Variants in ARHGAP27 observed in about 807,000 individuals in gnomAD.
ARHGAP27 encodes the protein Rho GTPase activating protein 27, also known as rho GTPase-activating protein 27.
ARHGAP27 carries 53 observed loss-of-function variants against 102.0 expected under a neutral mutation model. The observed-to-expected ratio is 0.52, with a 90% CI of 0.42 to 0.65. ARHGAP27 has a LOEUF of 0.65. Ranked by LOEUF, ARHGAP27 falls within the 30% of genes least tolerant of loss-of-function variation. The pLI is 0.00. For missense variants in ARHGAP27, 1,117 were observed against 1,256.2 expected, an observed-to-expected ratio of 0.89 and a Z score of 1.68; for synonymous variants, 525 against 542.8, an observed-to-expected ratio of 0.97 and a Z score of 0.46.
chr17:45,425,468 G>A (rs2049499428), intron 4 of ARHGAP27: 2 of 810,590 alleles, frequency 2.5e-6, no homozygotes, highest in African/African-American at 1.9e-5. Context: ...CAGAGGGGAG[G>A]GGCCCCCAGA....
intron 6 of ARHGAP27, 26 bp downstream of exon 6, chr17:45,404,898 C>G (rs77044114): frequency 6.8e-6 from 11 of 1,613,854 alleles, no homozygotes; most frequent in Non-Finnish European, 8.5e-7. Context: ...TGAGGCTGTC[C>G]GGGTCCATCT....
intron 4 of ARHGAP27, among the ~76,000 whole-genome samples, chr17:45,428,617 G>A (rs1311042306): frequency 2.6e-5 from 4 of 152,188 alleles, no homozygotes; most frequent in African/African-American, 9.7e-5. Context: ...CTGGCACATA[G>A]TGGGCATCAG....
Position 45,395,218 on chromosome 17 carries a change from C to G in ARHGAP27, c.*238G>C, listed in dbSNP as rs965791712. On this transcript the variant is annotated 3_prime_UTR_variant, in exon 20 of 20. Coordinates refer to ENST00000685559, the MANE Select transcript of ARHGAP27 (RefSeq NM_001282290.2). ...AACAGAGAAAAAACCGAATTAACCC[C>G]CAAACAGGACGTGACGGGAAGGGAA... 3 of 584,962 alleles carry G rather than the reference C, an allele frequency of 5.1e-6. No individual in the cohort carries two copies. Among genetic ancestry groups the G allele is most frequent in the Non-Finnish European group, 9.0e-6 (3 of 334,468 alleles). The allele number at this position is 584,962 out of a possible 1,614,324, so 36.2% of individuals were successfully genotyped here. A position where few individuals can be genotyped will look rare whatever the true frequency, so the allele number is the denominator to read the frequency against.
chr17:45,426,145 G>C (rs2049574102), intron 4 of ARHGAP27, among the ~76,000 whole-genome samples: 1 of 152,116 alleles, frequency 6.6e-6, no homozygotes, highest in Admixed American at 6.5e-5. Flanking sequence ...TGCTGGCCAG[G>C]GTGGGGCTTG....
chr17:45,423,129 C>T (rs1442540291), intron 4 of ARHGAP27, among the ~76,000 whole-genome samples: 2 of 151,272 alleles, frequency 1.3e-5, no homozygotes, highest in African/African-American at 4.9e-5. Context: ...TGCGGTGAGC[C>T]GAGACCACGC....
intron 12 of ARHGAP27, among the ~76,000 whole-genome samples, chr17:45,400,580 T>C (rs2046321853): frequency 1.3e-5 from 2 of 152,192 alleles, no homozygotes; most frequent in Non-Finnish European, 2.9e-5. Context: ...TTGAAGGATA[T>C]ACCTATCCCT....
Position 45,406,039 on chromosome 17 carries a change from C to G in ARHGAP27, c.702G>C (p.Gln234His). Residue 234 changes from glutamine (Q) to histidine (H), a missense_variant, in exon 5 of 20, where the codon CAG becomes CAC. By Grantham distance (24) the Gln-to-His change is conservative (BLOSUM62 0). Around this residue, in one of 3 missense-constraint regions of ARHGAP27, gnomAD observed 610 missense variants for 716.4 expected, o/e 0.85. Transcript: ENST00000685559. The part of the protein sequence containing the change: ...PEPVYANIER[Q>H]PRATSPGAAA... ...CGGCGCCCGGTGAAGTGGCCCGGGG[C>G]TGCCTCTCTATGTTCGCGTACACGG... The G allele has an allele frequency of 6.5e-7, 1 of 1,533,726 alleles. No homozygotes were observed. Among genetic ancestry groups the G allele is most frequent in the Non-Finnish European group, 8.7e-7 (1 of 1,145,388 alleles).
Position 45,395,389 on chromosome 17 carries a change from T to G in ARHGAP27, c.*67A>C. 6.7e-7 allele frequency: 1 copy of G among 1,494,476 alleles called. No homozygotes were observed. The allele number at this position is 1,494,476 out of a possible 1,614,324, so 92.6% of individuals were successfully genotyped here. On this transcript the variant is annotated 3_prime_UTR_variant, in exon 20 of 20. Transcript: ENST00000685559. ...GGTCCCAGAGAGAAGAAGGCCCGGC[T>G]GCGTGGCCTCCGCCGCCCAGCTTGT...
At chr17:45,402,593 T>C (rs1047467504) in intron 12 of ARHGAP27, 121 bp downstream of exon 12, 3 of 859,348 alleles carry the variant, frequency 3.5e-6, no homozygotes, top group African/African-American at 3.4e-5. Flanking sequence ...CTGCACTCAG[T>C]GTTGGCTCAT....
At chr17:45,424,035 T>C (rs1259254040) in intron 4 of ARHGAP27, among the ~76,000 whole-genome samples, 2 of 152,232 alleles carry the variant, frequency 1.3e-5, no homozygotes, top group African/African-American at 4.8e-5. Flanking sequence ...GCCCTTCTGC[T>C]ACCTCTGCTT....
At chr17:45,418,292 A>G (rs77856736) in intron 4 of ARHGAP27, among the ~76,000 whole-genome samples, 1 of 146,064 alleles carries the variant, frequency 6.8e-6, no homozygotes, top group Non-Finnish European at 1.5e-5. Context: ...AAAAAAAAAA[A>G]TCCCTTAAAC....
At chr17:45,397,439 A>T in intron 13 of ARHGAP27, 3 of 398,374 alleles carry the variant, frequency 7.5e-6, no homozygotes, top group Admixed American at 5.0e-5. Context: ...CTGGCTCTGG[A>T]TTCCTACCTC....
rs781138654 is a variant in ARHGAP27, at chr17:45,430,225, A to G, written c.55T>C (p.Tyr19His). Residue 19 changes from tyrosine to histidine, a missense_variant, in exon 4 of 20, where the codon TAC (tyrosine) becomes CAC (histidine). Physicochemically the swap from Tyr to His is moderately conservative, Grantham distance 83. Transcript: ENST00000685559. This position sits in a 1 kb window ranked among gnomAD's most constrained non-coding sequence, Gnocchi z 4.4. Reference sequence around the variant, plus strand: ...ACGCGGCGCCCGTCCTTGCCGGTGTACTCGAAGGGGTGCTCCACCAGCACG... The same window carrying G: ...ACGCGGCGCCCGTCCTTGCCGGTGTGCTCGAAGGGGTGCTCCACCAGCACG... ...VYVLVEHPFE[Y>H]TGKDGRRVAI... is the part of the protein sequence containing the mutation. The G allele has an allele frequency of 6.4e-7, 1 of 1,571,006 alleles. No homozygotes were observed. Among genetic ancestry groups the G allele is most frequent in the South Asian group, 1.1e-5 (1 of 87,192 alleles).
At chr17:45,399,828 A>G (rs1288352946) in intron 12 of ARHGAP27, among the ~76,000 whole-genome samples, 1 of 152,216 alleles carries the variant, frequency 6.6e-6, no homozygotes, top group Non-Finnish European at 1.5e-5. Context: ...CAAGTTTCAT[A>G]TAGAGGGCAA....
chr17:45,395,964 A>G lies in ARHGAP27; in HGVS notation c.2386+19T>C, dbSNP rs1299543752. On this transcript the variant is annotated intron_variant, in intron 18 of 19. Transcript: ENST00000685559. Reference sequence around the variant, plus strand: ...GCCACGCCCCTACCCCATCCGCCCCACCTGCCCCAGGTGCTCACTGATGGC... The same window carrying G: ...GCCACGCCCCTACCCCATCCGCCCCGCCTGCCCCAGGTGCTCACTGATGGC... 2 of 1,600,622 alleles carry G rather than the reference A, an allele frequency of 1.2e-6. No individual in the cohort carries two copies. Among genetic ancestry groups the G allele is most frequent in the East Asian group, 2.2e-5 (1 of 44,516 alleles).
intron 5 of ARHGAP27, among the ~76,000 whole-genome samples, chr17:45,405,382 G>T (rs2047017260): frequency 6.7e-6 from 1 of 150,172 alleles, no homozygotes; most frequent in South Asian, 2.1e-4. Flanking sequence ...GGTCAGAAGC[G>T]CTTAGAGGTA....
Position 45,395,594 on chromosome 17 carries a change from C to T in ARHGAP27, c.2532G>A (p.Gln844=), listed in dbSNP as rs2045505162. Residue 844 remains glutamine (Q), a synonymous_variant, in exon 20 of 20, where the codon CAG becomes CAA. Transcript: ENST00000685559. The part of the protein sequence containing the change: ...EHGEQNRMSV[Q]SVAIVFGPTL... Reference sequence around the variant, plus strand: ...TGGGCCCGAACACAATGGCCACGCTCTGCACCGACATGCGGTTCTGCTCGC... The same window carrying T: ...TGGGCCCGAACACAATGGCCACGCTTTGCACCGACATGCGGTTCTGCTCGC... The T allele has an allele frequency of 6.2e-7, 1 of 1,607,566 alleles. No homozygotes were observed. Among genetic ancestry groups the T allele is most frequent in the Non-Finnish European group, 8.5e-7 (1 of 1,177,318 alleles).
chr17:45,405,950 T>G lies in ARHGAP27; in HGVS notation c.791A>C (p.Tyr264Ser), dbSNP rs1301772093. Residue 264 changes from tyrosine (Y) to serine (S), a missense_variant, in exon 5 of 20, where the codon TAC becomes TCC. Physicochemically the swap from Tyr to Ser is moderately radical, Grantham distance 144. Coordinates refer to ENST00000685559, the MANE Select transcript of ARHGAP27 (RefSeq NM_001282290.2). ...AACTCCCGTGTCTGGGTTGTAGTAG[T>G]AGGGGCGCCCGGTGCCCGCGTCCGT... ...THTDAGTGRPYYYNPDTGVTT... is the reference protein window; with the variant it reads ...THTDAGTGRPSYYNPDTGVTT... 2 of 1,535,518 alleles carry G rather than the reference T, an allele frequency of 1.3e-6. No individual in the cohort carries two copies. Among genetic ancestry groups the G allele is most frequent in the Non-Finnish European group, 1.7e-6 (2 of 1,146,762 alleles).
chr17:45,405,349 G>C (rs1449135561), intron 5 of ARHGAP27, among the ~76,000 whole-genome samples: 1 of 150,814 alleles, frequency 6.6e-6, no homozygotes, highest in Non-Finnish European at 1.5e-5. Context: ...TCTGGTCCCT[G>C]GGTCTGCAGA....
Sources: allele counts gnomAD v4.1 joint callset (sites outside exome capture counted in the v4.1 genomes callset), GRCh38; gene constraint gnomAD v4.1.1; regional missense constraint gnomAD v4.1.1; non-coding constraint Gnocchi (gnomAD v3.1); transcripts MANE v1.5; gene names NCBI Gene and HGNC (gene_info 2026-07-23, HGNC 2026-07-21).